The following ANKRD31 variants were observed in gnomAD, a reference collection of about 807,000 sequenced individuals.
ANKRD31 encodes ankyrin repeat domain-containing protein 31.
Under a neutral mutation model 186.0 loss-of-function variants are expected in ANKRD31, and 147 were observed. The ratio of observed to expected loss-of-function variants is 0.79; its 90% CI spans 0.69 to 0.91. The LOEUF is 0.91. Ranked by LOEUF, ANKRD31 falls within the 40% of genes least tolerant of loss-of-function variation. The pLI is 0.00. For missense variants in ANKRD31, 1,986 were observed against 2,148.8 expected (o/e 0.92, Z 1.50); for synonymous variants, 673 against 736.4 (o/e 0.91, Z 1.39).
At chr5:75,219,049 C>T (rs944027657) in intron 3 of ANKRD31, among the ~76,000 whole-genome samples, 4 of 152,136 alleles carry the variant, frequency 2.6e-5, no homozygotes, top group African/African-American at 9.7e-5. Context: ...ATGGGCAAAA[C>T]TTGGAAGCAT....
intron 19 of ANKRD31, 43 bp downstream of exon 19, chr5:75,116,523 C>T: frequency 1.6e-6 from 2 of 1,238,256 alleles, no homozygotes; most frequent in South Asian, 2.7e-5. Context: ...CAAAGAATGG[C>T]ATTTTCTAAG....
chr5:75,104,616 G>A lies in ANKRD31; in HGVS notation c.4943C>T (p.Ala1648Val). 6.5e-7 allele frequency: 1 copy of A among 1,536,584 alleles called. No homozygotes were observed. The highest frequency in any genetic ancestry group is 1.2e-5 in the South Asian group (1 of 83,882). ...VIGKLNISETASVLAENAAHP... is the reference protein window; with the variant it reads ...VIGKLNISETVSVLAENAAHP... ...GGCAGCATTTTCGGCAAGGACACTT[G>A]CAGTTTCTGAAATATTTAATTTGCC... The change falls in exon 22 of 26, where the codon GCA becomes GTA. Residue 1648 changes from alanine (A) to valine (V), a missense_variant. Coordinates refer to ENST00000506364, the MANE Select transcript of ANKRD31 (RefSeq NM_001372053.1).
rs1377177547 is a variant in ANKRD31 at position 75,138,995 on chromosome 5, C to G, written c.3596-12G>C. On this transcript the variant is annotated splice_polypyrimidine_tract_variant and intron_variant, in intron 15 of 25. Coordinates refer to ENST00000506364, the MANE Select transcript of ANKRD31 (RefSeq NM_001372053.1). ...ACCTGCTTTCATTCCTGTAAATTTG[C>G]CAAACAAGAGGTTTATTTTCTGCCA... 13 of 1,534,996 alleles carry G rather than the reference C, an allele frequency of 8.5e-6. No individual in the cohort carries two copies. In the East Asian group the frequency reaches 2.7e-4, roughly 32 times the overall value.
chr5:75,234,448 A>C (rs1491000469), intron 1 of ANKRD31, among the ~76,000 whole-genome samples: 1 of 152,240 alleles, frequency 6.6e-6, no homozygotes, highest in Non-Finnish European at 1.5e-5. Flanking sequence ...AGATCACTTC[A>C]GCCTAGGAGT....
intron 18 of ANKRD31, 76 bp from the exon 19 acceptor site, chr5:75,116,757 G>C (rs1748315349): frequency 1.4e-6 from 1 of 726,944 alleles, no homozygotes; most frequent in Non-Finnish European, 1.9e-6. Flanking sequence ...TAATGTGATG[G>C]GGATGAGAAG....
chr5:75,206,301 ATATATATATG>A (rs1756228815), intron 5 of ANKRD31, 100 bp downstream of exon 5: 2 of 100,482 alleles, frequency 2.0e-5, no homozygotes, highest in Non-Finnish European at 4.0e-5. Flanking sequence ...ATATATATAT[ATATATATATG>A]GTTGACCAGC....
chr5:75,137,795 C>A (rs1357291901), intron 17 of ANKRD31, 61 bp downstream of exon 17: 2 of 1,301,262 alleles, frequency 1.5e-6, no homozygotes, highest in African/African-American at 3.0e-5. Flanking sequence ...AAAAAATCTT[C>A]ATTTTCTTCA....
At chr5:75,136,101 G>A (rs190006479) in intron 17 of ANKRD31, among the ~76,000 whole-genome samples, 5 of 152,258 alleles carry the variant, frequency 3.3e-5, no homozygotes, top group Non-Finnish European at 7.4e-5. Context: ...ACATAGGCAT[G>A]GGCAAGGACT....
chr5:75,174,616 G>A lies in ANKRD31; in HGVS notation c.1565-5495C>T, dbSNP rs149782566. Among the ~76,000 whole-genome samples the A allele has an allele frequency of 5.8e-3, 884 of 152,206 alleles. 9 individuals are homozygous for A. Among genetic ancestry groups the A allele is most frequent in the African/African-American group, 0.02 (818 of 41,548 alleles). On this transcript the variant is annotated intron_variant, in intron 10 of 25. Transcript: ENST00000506364. The stretch of plus-strand genomic sequence containing the variant: ...AAAGAAGATATTTATGCAGCCAACA[G>A]ACACATGAAAAAATGCTCATCATCA...
At chr5:75,170,352 T>G (rs1422368120) in intron 10 of ANKRD31, among the ~76,000 whole-genome samples, 1 of 152,060 alleles carries the variant, frequency 6.6e-6, no homozygotes, top group Non-Finnish European at 1.5e-5. Context: ...ATTAAGCACA[T>G]AGAAAACAAT....
chr5:75,235,483 G>GT (rs1301422275), intron 1 of ANKRD31, among the ~76,000 whole-genome samples: 12 of 152,156 alleles, frequency 7.9e-5, no homozygotes, highest in Admixed American at 5.2e-4. Flanking sequence ...TTTGTTTTCG[G>GT]TTTTTTGGTT....
chr5:75,085,588 T>C (rs976668925), intron 23 of ANKRD31, among the ~76,000 whole-genome samples: 1 of 152,016 alleles, frequency 6.6e-6, no homozygotes, highest in Non-Finnish European at 1.5e-5. Flanking sequence ...TTTTAGTAGA[T>C]ACAGGGTTTT....
intron 17 of ANKRD31, among the ~76,000 whole-genome samples, chr5:75,119,395 C>T (rs896767756): frequency 3.3e-5 from 5 of 152,144 alleles, no homozygotes; most frequent in Non-Finnish European, 7.3e-5. Flanking sequence ...AGAATAATGG[C>T]CTCCAGCTGC....
At chr5:75,184,633 T>G (rs920701897) in intron 10 of ANKRD31, among the ~76,000 whole-genome samples, 5 of 152,086 alleles carry the variant, frequency 3.3e-5, no homozygotes, top group Non-Finnish European at 5.9e-5. Context: ...CATCACTGAC[T>G]ACCAGGGAAA....
intron 1 of ANKRD31, among the ~76,000 whole-genome samples, chr5:75,231,530 G>A (rs555759527): frequency 2.2e-4 from 34 of 152,126 alleles, no homozygotes; most frequent in Non-Finnish European, 4.6e-4. Context: ...CCATGAGTAT[G>A]CTATTAGGCA....
At chr5:75,135,698 C>T (rs1167510754) in intron 17 of ANKRD31, among the ~76,000 whole-genome samples, 6 of 152,058 alleles carry the variant, frequency 3.9e-5, no homozygotes, top group African/African-American at 7.2e-5. Context: ...AAAAAGAGCC[C>T]GCATAGCCAA....
chr5:75,218,464 A>AC (rs1411335361), intron 3 of ANKRD31, among the ~76,000 whole-genome samples: 1 of 152,162 alleles, frequency 6.6e-6, no homozygotes, highest in Admixed American at 6.5e-5. Flanking sequence ...CAGCCTACCA[A>AC]CTAAAAAAAG....
chr5:75,099,308 T>G (rs1449551638), intron 22 of ANKRD31, among the ~76,000 whole-genome samples: 1 of 152,218 alleles, frequency 6.6e-6, no homozygotes, highest in Admixed American at 6.5e-5. Context: ...ATAAGCTTTT[T>G]GATGTGCTGC....
rs868215825 is a variant in ANKRD31 at position 75,200,272 on chromosome 5, A to C, written c.404-598T>G. On this transcript the variant is annotated intron_variant, in intron 5 of 25. Coordinates refer to ENST00000506364, the MANE Select transcript of ANKRD31 (RefSeq NM_001372053.1). ...TCTGGAAAAAAGATAGTTCTCCTCCACTGTTCCTTTTACATTCTTTCTTTC... is the reference window on the plus strand; with the variant it reads ...TCTGGAAAAAAGATAGTTCTCCTCCCCTGTTCCTTTTACATTCTTTCTTTC... Among the ~76,000 whole-genome samples the C allele has an allele frequency of 5.5e-3, 831 of 150,064 alleles. 13 individuals carry two copies. The highest frequency in any genetic ancestry group is 0.021 in the Middle Eastern group (6 of 284).
Sources: gnomAD v4.1 joint callset for allele counts (sites outside exome capture counted in the v4.1 genomes callset) on GRCh38, gnomAD v4.1.1 for gene constraint, MANE v1.5 for transcripts, NCBI Gene and HGNC (gene_info 2026-07-23, HGNC 2026-07-21) for gene names.